CNIH3: variants seen among roughly 807,000 people sequenced by gnomAD.
CNIH3 encodes the protein cornichon family AMPA receptor auxiliary protein 3.
CNIH3 carries 14 observed loss-of-function variants against 24.1 expected under a neutral mutation model. The ratio of observed to expected loss-of-function variants is 0.58; its 90% CI spans 0.38 to 0.91. The LOEUF (loss-of-function observed/expected upper bound fraction) is 0.91. CNIH3 is among the 40% of genes least tolerant of loss of function. The probability of loss-of-function intolerance (pLI) is 0.00; values close to 1 mark genes in which losing one functional copy is unlikely to be tolerated. For missense variants in CNIH3, 178 were observed against 196.8 expected (o/e 0.90, Z 0.57); for synonymous variants, 68 against 73.8 (o/e 0.92, Z 0.40).
intron 3 of CNIH3, among the ~76,000 whole-genome samples, chr1:224,702,077 T>C (rs1251062825): frequency 1.5e-5 from 2 of 131,744 alleles, no homozygotes; most frequent in African/African-American, 5.5e-5. Context: ...TGCACAGATA[T>C]ACACTCCAGC....
chr1:224,509,419 C>T (rs905127103), intron 1 of CNIH3, among the ~76,000 whole-genome samples: 3 of 152,148 alleles, frequency 2.0e-5, no homozygotes, highest in South Asian at 2.1e-4. Context: ...GTCTTCCTCT[C>T]AGCTTCTCCT....
chr1:224,446,534 T>C (rs1407919072), intron 1 of CNIH3, among the ~76,000 whole-genome samples: 1 of 152,182 alleles, frequency 6.6e-6, no homozygotes, highest in Non-Finnish European at 1.5e-5. Flanking sequence ...GTAAATGGTA[T>C]GTTTAAAATT....
At chr1:224,531,916 C>T (rs112574681) in intron 2 of CNIH3, among the ~76,000 whole-genome samples, 3 of 152,150 alleles carry the variant, frequency 2.0e-5, no homozygotes, top group African/African-American at 4.8e-5. Flanking sequence ...ACTCTATAAA[C>T]ATTTATTGCT....
At chr1:224,593,201 G>A (rs2125031172), downstream of CNIH3, among the ~76,000 whole-genome samples, 1 of 149,672 alleles carries the variant, frequency 6.7e-6, no homozygotes, top group Middle Eastern at 3.4e-3. Flanking sequence ...TGTTGCCTAG[G>A]CTGGAGCGCA....
intron 3 of CNIH3, among the ~76,000 whole-genome samples, chr1:224,609,788 C>A (rs79398329): frequency 0.011 from 1,727 of 152,234 alleles, 10 homozygotes; most frequent in Non-Finnish European, 0.017. Context: ...TTCCCCTTTA[C>A]GCTTTGACCA....
intron 1 of CNIH3, among the ~76,000 whole-genome samples, chr1:224,635,135 A>G (rs1684024970): frequency 1.3e-5 from 2 of 151,992 alleles, no homozygotes; most frequent in Non-Finnish European, 2.9e-5. Flanking sequence ...AGCAAGGGAC[A>G]TCTTACATGG....
chr1:224,615,272 A>G (rs1682901887), upstream of CNIH3: 1 of 152,070 alleles, frequency 6.6e-6, no homozygotes, highest in Non-Finnish European at 1.5e-5. Context: ...TTTCACCGAG[A>G]TTTGCCAGTC....
intron 1 of CNIH3, among the ~76,000 whole-genome samples, chr1:224,452,781 C>CAA (rs1173499027): frequency 4.6e-3 from 203 of 43,932 alleles, no homozygotes; most frequent in Middle Eastern, 0.02. Flanking sequence ...AACTCTGTCT[C>CAA]AAAAAAAAAA....
chr1:224,705,874 T>G (rs1303205306), intron 3 of CNIH3, among the ~76,000 whole-genome samples: 1 of 133,342 alleles, frequency 7.5e-6, no homozygotes, highest in Non-Finnish European at 1.6e-5. Flanking sequence ...TTTTTTTTTT[T>G]GAGCTGAACC....
chr1:224,551,842 G>A (rs1022489735), intron 3 of CNIH3, among the ~76,000 whole-genome samples: 5 of 150,158 alleles, frequency 3.3e-5, no homozygotes, highest in African/African-American at 7.3e-5. Context: ...TACACAGGGG[G>A]TGTACTCCCT....
At chr1:224,442,300 G>A (rs1338249917) in intron 1 of CNIH3, among the ~76,000 whole-genome samples, 1 of 152,120 alleles carries the variant, frequency 6.6e-6, no homozygotes, top group Non-Finnish European at 1.5e-5. Flanking sequence ...CAAGAGCCTG[G>A]CCTCTCTTAC....
At chr1:224,472,833 G>A (rs1185580308) in intron 1 of CNIH3, among the ~76,000 whole-genome samples, 1 of 152,130 alleles carries the variant, frequency 6.6e-6, no homozygotes, top group Non-Finnish European at 1.5e-5. Context: ...AATTACAGGA[G>A]CTTTCCTCTC....
At chr1:224,485,792 A>G (rs1167265529) in intron 1 of CNIH3, among the ~76,000 whole-genome samples, 2 of 152,148 alleles carry the variant, frequency 1.3e-5, no homozygotes, top group African/African-American at 2.4e-5. Flanking sequence ...AACTTTAATT[A>G]TGGAAAATTT....
At chr1:224,659,742 T>C (rs900746555) in intron 1 of CNIH3, among the ~76,000 whole-genome samples, 1 of 152,138 alleles carries the variant, frequency 6.6e-6, no homozygotes, top group Admixed American at 6.5e-5. Context: ...TTCTAGACCT[T>C]ACAGATAAAC....
chr1:224,468,334 GTCT>G (rs1205100582), intron 1 of CNIH3, among the ~76,000 whole-genome samples: 1 of 151,708 alleles, frequency 6.6e-6, no homozygotes, highest in Non-Finnish European at 1.5e-5. Flanking sequence ...ATTTATTTAG[GTCT>G]TCTGTGATTT....
intron 1 of CNIH3, among the ~76,000 whole-genome samples, chr1:224,498,566 G>A (rs915987240): frequency 3.9e-5 from 6 of 152,128 alleles, no homozygotes; most frequent in African/African-American, 7.2e-5. Context: ...TTGTGAGCTG[G>A]GGCCCTTGTT....
At chr1:224,609,680 CA>C (rs982817677) in intron 3 of CNIH3, among the ~76,000 whole-genome samples, 5 of 152,176 alleles carry the variant, frequency 3.3e-5, no homozygotes, top group Non-Finnish European at 7.3e-5. Flanking sequence ...TTAAATGAAA[CA>C]TATGGTCAGA....
At chr1:224,462,205 C>T (rs1675943291) in intron 1 of CNIH3, among the ~76,000 whole-genome samples, 1 of 152,184 alleles carries the variant, frequency 6.6e-6, no homozygotes, top group Admixed American at 6.5e-5. Context: ...TTGGTTCACT[C>T]TTACCCTAAT....
At chr1:224,502,433 G>A (rs1262671742) in intron 1 of CNIH3, among the ~76,000 whole-genome samples, 1 of 152,212 alleles carries the variant, frequency 6.6e-6, no homozygotes, top group Admixed American at 6.5e-5. Flanking sequence ...AGCAAGAGCC[G>A]AAAGCCTTTT....
Sources: allele counts gnomAD v4.1 joint callset (sites outside exome capture counted in the v4.1 genomes callset), GRCh38; gene constraint gnomAD v4.1.1; transcripts MANE v1.5; gene names NCBI Gene and HGNC (gene_info 2026-07-23, HGNC 2026-07-21).